NDRG3: variants seen among roughly 807,000 people sequenced by gnomAD.
The protein encoded by NDRG3 is protein NDRG3.
Under a neutral mutation model 57.2 loss-of-function variants are expected in NDRG3, and 23 were observed. That is an observed-to-expected ratio of 0.40 (90% CI 0.29 to 0.57). The LOEUF is 0.57. Ranked by LOEUF, NDRG3 falls within the 20% of genes least tolerant of loss-of-function variation. NDRG3 has a pLI of 0.42. For synonymous variants in NDRG3, 132 were observed against 162.6 expected, an observed-to-expected ratio of 0.81 and a Z score of 1.43; for missense variants, 384 against 457.3, an observed-to-expected ratio of 0.84 and a Z score of 1.46.
At chr20:36,743,245 C>T (rs1487700434) in intron 1 of NDRG3, among the ~76,000 whole-genome samples, 2 of 151,530 alleles carry the variant, frequency 1.3e-5, no homozygotes, top group South Asian at 4.2e-4. Flanking sequence ...TGTAATCCCA[C>T]CACTTTGGGA....
At position 36,701,387 on chromosome 20, in the gene NDRG3, A is replaced by T. The variant is rs951063237; in HGVS notation, c.93+5585T>A. 2.6e-5 allele frequency among the ~76,000 whole-genome samples: 4 copies of T among 151,498 alleles called. No homozygotes were observed. In the East Asian group the frequency reaches 7.8e-4, roughly 30 times the overall value. On this transcript the variant is annotated intron_variant, in intron 3 of 15. Coordinates refer to ENST00000349004, the MANE Select transcript of NDRG3 (RefSeq NM_032013.4). ...CCCCATCTCTACAAAAAATATATAT[A>T]TTTTCTAATTAGCCAGGCACGGTGG... is the stretch of plus-strand genomic sequence containing the variant.
rs138610472 is a variant in NDRG3, at chr20:36,669,045, G to A, written c.588+2296C>T. 5.7e-4 allele frequency among the ~76,000 whole-genome samples: 87 copies of A among 151,458 alleles called. 1 individual carries two copies. The East Asian group carries it at 0.014, about 24-fold the overall frequency. Reference sequence around the variant, plus strand: ...GAACACAGGCATGGCTACTAAGCCCGTCTGATTTTTGAATTTTTTTTTTTT... The same window carrying A: ...GAACACAGGCATGGCTACTAAGCCCATCTGATTTTTGAATTTTTTTTTTTT... On this transcript the variant is annotated intron_variant, in intron 9 of 15. Coordinates refer to ENST00000349004, the MANE Select transcript of NDRG3 (RefSeq NM_032013.4).
At chr20:36,727,851 T>C (rs1042047067) in intron 1 of NDRG3, among the ~76,000 whole-genome samples, 1 of 152,034 alleles carries the variant, frequency 6.6e-6, no homozygotes, top group Non-Finnish European at 1.5e-5. Context: ...TATTTCTTTA[T>C]AGATGAGAAA....
At chr20:36,677,656 C>A (rs916869817) in intron 8 of NDRG3, among the ~76,000 whole-genome samples, 1 of 152,192 alleles carries the variant, frequency 6.6e-6, no homozygotes, top group Non-Finnish European at 1.5e-5. Context: ...CGGAATGACT[C>A]GCCTGTGGAA....
chr20:36,694,106 A>T (rs1168397814), intron 3 of NDRG3, among the ~76,000 whole-genome samples: 1 of 152,144 alleles, frequency 6.6e-6, no homozygotes, highest in Non-Finnish European at 1.5e-5. Flanking sequence ...AAAGGTCTTC[A>T]TCCTTGTTAT....
At chr20:36,680,449 C>T (rs1252538873) in intron 8 of NDRG3, among the ~76,000 whole-genome samples, 2 of 149,256 alleles carry the variant, frequency 1.3e-5, no homozygotes, top group African/African-American at 4.9e-5. Flanking sequence ...CATGCCACTG[C>T]ACTCCAGCCT....
intron 6 of NDRG3, among the ~76,000 whole-genome samples, chr20:36,683,555 T>G (rs1460012243): frequency 6.6e-6 from 1 of 151,846 alleles, no homozygotes; most frequent in Admixed American, 6.6e-5. Context: ...AGGCAGAGGC[T>G]GCAGTGAGCT....
intron 8 of NDRG3, among the ~76,000 whole-genome samples, chr20:36,674,875 T>A (rs1290987514): frequency 1.4e-5 from 2 of 140,676 alleles, no homozygotes; most frequent in African/African-American, 5.3e-5. Flanking sequence ...TGAGCCACCA[T>A]GCCCAGCCAG....
chr20:36,681,023 A>G, intron 7 of NDRG3, 121 bp from the exon 8 acceptor site: 1 of 739,916 alleles, frequency 1.4e-6, no homozygotes, highest in Non-Finnish European at 2.3e-6. Context: ...TGAAAGTAAG[A>G]CTACAAAGAG....
chr20:36,684,127 G>C (rs1197676546), intron 6 of NDRG3, among the ~76,000 whole-genome samples: 1 of 152,140 alleles, frequency 6.6e-6, no homozygotes, highest in East Asian at 1.9e-4. Context: ...CCAGCTCAAG[G>C]TAGATTTTTA....
intron 3 of NDRG3, among the ~76,000 whole-genome samples, chr20:36,704,210 C>T (rs1017501165): frequency 2.6e-5 from 4 of 151,918 alleles, no homozygotes; most frequent in East Asian, 1.9e-4. Flanking sequence ...CTGAGTAGCT[C>T]GGATTACAGA....
In NDRG3 at chr20:36,687,628, T is replaced by C. The variant is rs1981903666; in HGVS notation, c.200-16A>G. On this transcript the variant is annotated splice_polypyrimidine_tract_variant and intron_variant, in intron 4 of 15. Transcript: ENST00000349004. ...CAGGATTTATCTATAAGAATAAAAA[T>C]ACCCATAAGTCACAGGCTCTCCATA... 3.1e-6 allele frequency: 5 copies of C among 1,610,402 alleles called. No individual in the cohort carries two copies. Among genetic ancestry groups the C allele is most frequent in the Non-Finnish European group, 4.2e-6 (5 of 1,177,868 alleles).
chr20:36,654,972 G>A, intron 15 of NDRG3: 2 of 693,506 alleles, frequency 2.9e-6, no homozygotes, highest in South Asian at 3.1e-5. Flanking sequence ...GTCCCAGAGA[G>A]GAGGTGAGGC....
Position 36,653,793 on chromosome 20 carries a change from TC to T in NDRG3, c.947-93del. 12 of 1,202,752 alleles carry T rather than the reference TC, an allele frequency of 1.0e-5. No individual in the cohort carries two copies. The South Asian group carries it at 1.7e-4, about 17-fold the overall frequency. The allele number at this position is 1,202,752 out of a possible 1,614,324, so 74.5% of individuals were successfully genotyped here. A position where few individuals can be genotyped will look rare whatever the true frequency, so the allele number is the denominator to read the frequency against. On this transcript the variant is annotated intron_variant, in intron 15 of 15. Transcript: ENST00000349004. This position sits in a 1 kb window ranked among gnomAD's most constrained non-coding sequence, Gnocchi z 4.2. ...CATCAAAGTCTTTATGTTTAGCTTT[TC>T]CGACTCATTTACCATGACACCCAGG...
At position 36,746,076 on chromosome 20, in the gene NDRG3, A is replaced by AGCAGCGGCG. The variant is rs1555809891; in HGVS notation, c.-89_-81dup. Reference sequence around the variant, plus strand: ...CGCGGGCACCCGCCGTCAGTGCAGCAGCAGCGGCGGCGGCGGCGGCGGCGG... The same window carrying AGCAGCGGCG: ...CGCGGGCACCCGCCGTCAGTGCAGCAGCAGCGGCGGCAGCGGCGGCGGCGGCGGCGGCGG... On this transcript the variant is annotated 5_prime_UTR_variant, in exon 1 of 16. Coordinates refer to ENST00000349004, the MANE Select transcript of NDRG3 (RefSeq NM_032013.4). The AGCAGCGGCG allele has an allele frequency of 6.9e-6, 2 of 291,634 alleles. No homozygotes were observed. Among genetic ancestry groups the AGCAGCGGCG allele is most frequent in the African/African-American group, 2.8e-5 (1 of 35,926 alleles). The allele number at this position is 291,634 out of a possible 1,614,324, so 18.1% of individuals were successfully genotyped here.
chr20:36,732,515 T>G (rs1985345601), intron 1 of NDRG3, among the ~76,000 whole-genome samples: 1 of 152,120 alleles, frequency 6.6e-6, no homozygotes, highest in African/African-American at 2.4e-5. Context: ...AGCAAAGCAT[T>G]TTCCCTTTCT....
At position 36,653,608 on chromosome 20, in the gene NDRG3, A is replaced by G. The variant is rs142807630; in HGVS notation, c.1040T>C (p.Val347Ala). ...AGTTCCATCTGACTGATTGCTGGTG[A>G]CAGACCGGCTGAAGGGACTTTCTCC... ...GSGESPFSRS[V>A]TSNQSDGTQE... The change falls in exon 16 of 16, where the codon GTC (valine) becomes GCC (alanine). Residue 347 changes from valine (V) to alanine (A), a missense_variant. Transcript: ENST00000349004. This position sits in a 1 kb window ranked among gnomAD's most constrained non-coding sequence, Gnocchi z 4.2. 4.6e-5 allele frequency: 75 copies of G among 1,614,174 alleles called. No individual in the cohort carries two copies. In the African/African-American group the frequency reaches 9.1e-4, roughly 19 times the overall value.
intron 6 of NDRG3, among the ~76,000 whole-genome samples, chr20:36,683,690 G>GTA (rs1410707565): frequency 2.8e-5 from 4 of 143,898 alleles, no homozygotes; most frequent in Admixed American, 6.9e-5. Flanking sequence ...ACACATATAT[G>GTA]TACACACACA....
At chr20:36,667,439 C>T (rs1382879726) in intron 9 of NDRG3, among the ~76,000 whole-genome samples, 2 of 151,992 alleles carry the variant, frequency 1.3e-5, no homozygotes, top group African/African-American at 4.8e-5. Flanking sequence ...CTGTGCCTGG[C>T]TCATTTATTT....
Sources: allele counts gnomAD v4.1 joint callset (sites outside exome capture counted in the v4.1 genomes callset), GRCh38; gene constraint gnomAD v4.1.1; non-coding constraint Gnocchi (gnomAD v3.1); transcripts MANE v1.5; gene names NCBI Gene and HGNC (gene_info 2026-07-23, HGNC 2026-07-21).